MYOF: variants seen among roughly 807,000 people sequenced by gnomAD.
MYOF encodes the protein fer-1-like 3, myoferlin.
MYOF carries 244 observed loss-of-function variants against 284.2 expected under a neutral mutation model. The observed-to-expected ratio is 0.86, with a 90% CI of 0.77 to 0.95. The LOEUF (loss-of-function observed/expected upper bound fraction) is 0.95. MYOF is among the 40% of genes least tolerant of loss of function. MYOF has a pLI of 0.00. For missense variants in MYOF, 2,496 were observed against 2,560.6 expected, an observed-to-expected ratio of 0.97 and a Z score of 0.54; for synonymous variants, 904 against 919.7, an observed-to-expected ratio of 0.98 and a Z score of 0.31.
At chr10:93,390,924 C>T (rs376764210) in intron 17 of MYOF, among the ~76,000 whole-genome samples, 4 of 152,224 alleles carry the variant, frequency 2.6e-5, no homozygotes, top group East Asian at 3.9e-4. Flanking sequence ...CCAAAGCCCA[C>T]AGAAGTGATG....
At chr10:93,307,125 G>A in intron 53 of MYOF, 124 bp from the exon 54 acceptor site, 1 of 857,500 alleles carries the variant, frequency 1.2e-6, no homozygotes, top group Non-Finnish European at 1.8e-6. Context: ...GTTGGGGAGT[G>A]TCCTGTGCAT....
intron 32 of MYOF, among the ~76,000 whole-genome samples, chr10:93,352,147 G>A (rs1200069321): frequency 2.0e-5 from 3 of 152,140 alleles, no homozygotes; most frequent in African/African-American, 7.2e-5. Context: ...GGTTGAGTGA[G>A]GCTCTGCAGT....
intron 41 of MYOF, 137 bp from the exon 42 acceptor site, chr10:93,334,050 G>A (rs1589403964): frequency 1.3e-6 from 1 of 772,296 alleles, no homozygotes; most frequent in East Asian, 2.7e-5. Flanking sequence ...AATGTATATT[G>A]CACTTTGCAT....
At position 93,306,999 on chromosome 10, in the gene MYOF, G is replaced by A. The variant is rs772106490; in HGVS notation, c.6150C>T (p.Asn2050=). 4.3e-6 allele frequency: 7 copies of A among 1,612,400 alleles called. No individual in the cohort carries two copies. The South Asian group carries it at 7.7e-5, about 18-fold the overall frequency. ...GCTTTACAATCTTCATTGACAAATA[G>A]TTCTGGAAAGGAAACAAAAACAGTG... ...FVAVLLYSLP[N]YLSMKIVKPN... The change falls in exon 54 of 54, where the codon AAC becomes AAT. Residue 2050 remains asparagine, a splice_region_variant and synonymous_variant. Coordinates refer to ENST00000359263, the MANE Select transcript of MYOF (RefSeq NM_013451.4).
rs1035801364 is a variant in MYOF at position 93,316,122 on chromosome 10, CAAAAATAA to C, written c.5698+584_5698+591del. Among the ~76,000 whole-genome samples the C allele has an allele frequency of 2.8e-4, 43 of 151,690 alleles. 1 individual carries two copies. Among genetic ancestry groups the C allele is most frequent in the African/African-American group, 6.5e-4 (27 of 41,352 alleles). ...CCTGGGTAACAGAGAGACCTGTCTC[CAAAAATAA>C]AAAAATAAAAAAATAGAGTGGGATG... On this transcript the variant is annotated intron_variant, in intron 50 of 53. Coordinates refer to ENST00000359263, the MANE Select transcript of MYOF (RefSeq NM_013451.4).
At chr10:93,453,512 T>A (rs960243684) in intron 2 of MYOF, among the ~76,000 whole-genome samples, 1 of 152,064 alleles carries the variant, frequency 6.6e-6, no homozygotes, top group African/African-American at 2.4e-5. Flanking sequence ...TTGGCCAGGC[T>A]GGTCTCAAAC....
rs1161109687 is a variant in MYOF, at chr10:93,409,579, G to T, written c.594C>A (p.Asp198Glu). The T allele has an allele frequency of 6.2e-7, 1 of 1,613,020 alleles. No individual in the cohort carries two copies. The highest frequency in any genetic ancestry group is 8.5e-7 in the Non-Finnish European group (1 of 1,179,834). ...SRRMLSNKPQ[D>E]FQIRVRVIEG... ...AACGCCAGGCCGTTGCTACCTGGAA[G>T]TCCTGTGGCTTATTTGACAGCATCC... The change falls in exon 6 of 54, where the codon GAC becomes GAA. Residue 198 changes from aspartate (D) to glutamate (E), a missense_variant. Transcript: ENST00000359263.
rs374477739 is a variant in MYOF at position 93,381,283 on chromosome 10, G to C, written c.1812C>G (p.Asn604Lys). The C allele has an allele frequency of 1.5e-5, 24 of 1,614,082 alleles. No homozygotes were observed. In the African/African-American group the frequency reaches 3.1e-4, roughly 21 times the overall value. ...QFEVSIGNYG[N>K]KFDTTCKPLA... ...AAGGCTTACAGGTGGTGTCAAACTT[G>C]TTGCCATAGTTCCCAATGCTGACTT... The change falls in exon 20 of 54, where the codon AAC (asparagine) becomes AAG (lysine). Residue 604 changes from asparagine to lysine, a missense_variant. By Grantham distance (94) the Asn-to-Lys change is moderately conservative. Coordinates refer to ENST00000359263, the MANE Select transcript of MYOF (RefSeq NM_013451.4).
chr10:93,397,351 G>C (rs745369648), intron 14 of MYOF, 37 bp downstream of exon 14: 1 of 1,594,114 alleles, frequency 6.3e-7, no homozygotes, highest in Non-Finnish European at 8.6e-7. Context: ...TATTAAGTAA[G>C]TATTCTTACT....
chr10:93,388,860 G>A (rs564218268), intron 18 of MYOF, among the ~76,000 whole-genome samples, 170 bp downstream of exon 18: 1 of 152,344 alleles, frequency 6.6e-6, no homozygotes, highest in Non-Finnish European at 1.5e-5. Context: ...ATGGCCATTG[G>A]CCATTGGCCA....
intron 19 of MYOF, among the ~76,000 whole-genome samples, chr10:93,385,866 A>C (rs531918953): frequency 6.7e-6 from 1 of 149,820 alleles, no homozygotes; most frequent in South Asian, 2.1e-4. Context: ...TTGCTTTTAC[A>C]CTAAATTAAT....
chr10:93,436,131 A>C (rs1589566584), intron 3 of MYOF, among the ~76,000 whole-genome samples: 1 of 152,140 alleles, frequency 6.6e-6, no homozygotes, highest in Admixed American at 6.6e-5. Context: ...GAAATGTGGA[A>C]TGCAACTCGT....
intron 48 of MYOF, among the ~76,000 whole-genome samples, chr10:93,321,588 G>A (rs543307766): frequency 1.3e-5 from 2 of 151,922 alleles, no homozygotes; most frequent in South Asian, 4.2e-4. Flanking sequence ...AACTCACTGA[G>A]GAGAGTTCAC....
chr10:93,410,585 A>T (rs1847861137), intron 5 of MYOF, among the ~76,000 whole-genome samples: 1 of 152,050 alleles, frequency 6.6e-6, no homozygotes, highest in Non-Finnish European at 1.5e-5. Flanking sequence ...AAAACCAAAA[A>T]CCAAAAATCA....
At chr10:93,320,069 G>A (rs981296417) in intron 48 of MYOF, 56 bp from the exon 49 acceptor site, 18 of 1,592,796 alleles carry the variant, frequency 1.1e-5, no homozygotes, top group South Asian at 4.4e-5. Context: ...TCATGTAGCC[G>A]CAAAATTGTG....
At chr10:93,435,607 G>A (rs1416958632) in intron 3 of MYOF, among the ~76,000 whole-genome samples, 1 of 152,184 alleles carries the variant, frequency 6.6e-6, no homozygotes, top group African/African-American at 2.4e-5. Flanking sequence ...ACAATCTGTT[G>A]CTAGGCTTGT....
chr10:93,397,312 A>C (rs1348052443), intron 14 of MYOF, 22 bp from the exon 15 acceptor site: 2 of 1,598,940 alleles, frequency 1.3e-6, no homozygotes, highest in South Asian at 2.2e-5. Flanking sequence ...AGACAGAAAA[A>C]AGTAGTTATT....
intron 7 of MYOF, among the ~76,000 whole-genome samples, chr10:93,406,292 A>ATG (rs1847578278): frequency 1.3e-5 from 1 of 74,844 alleles, no homozygotes; most frequent in Non-Finnish European, 3.1e-5. Context: ...CCTCTTTTAT[A>ATG]TATATATATA....
At chr10:93,363,157 ATTG>A (rs1845156500) in intron 27 of MYOF, among the ~76,000 whole-genome samples, 2 of 152,270 alleles carry the variant, frequency 1.3e-5, no homozygotes, top group Admixed American at 6.5e-5. Context: ...TCCAAGATAT[ATTG>A]TTAAGTGAAA....
Sources: gnomAD v4.1 joint callset for allele counts (sites outside exome capture counted in the v4.1 genomes callset) on GRCh38, gnomAD v4.1.1 for gene constraint, MANE v1.5 for transcripts, NCBI Gene and HGNC (gene_info 2026-07-23, HGNC 2026-07-21) for gene names.